The following ARHGEF28 variants were observed in gnomAD, a reference collection of about 807,000 sequenced individuals.
The protein encoded by ARHGEF28 is 190 kDa guanine nucleotide exchange factor.
Under a neutral mutation model 206.6 loss-of-function variants are expected in ARHGEF28, and 152 were observed. The ratio of observed to expected loss-of-function variants is 0.74; its 90% CI spans 0.64 to 0.84. The LOEUF (loss-of-function observed/expected upper bound fraction) is 0.84. Ranked by LOEUF, ARHGEF28 falls within the 40% of genes least tolerant of loss-of-function variation. ARHGEF28 has a pLI of 0.00. For missense variants in ARHGEF28, 2,028 were observed against 2,073.2 expected, an observed-to-expected ratio of 0.98 and a Z score of 0.42; for synonymous variants, 763 against 776.4, an observed-to-expected ratio of 0.98 and a Z score of 0.29.
At chr5:73,874,501 G>A (rs1219324910) in intron 22 of ARHGEF28, among the ~76,000 whole-genome samples, 1 of 150,334 alleles carries the variant, frequency 6.7e-6, no homozygotes, top group Non-Finnish European at 1.5e-5. Context: ...AAGCTGGTGT[G>A]CTGCACCCTT....
chr5:73,820,391 G>A (rs545137695), intron 9 of ARHGEF28, among the ~76,000 whole-genome samples: 3 of 152,172 alleles, frequency 2.0e-5, no homozygotes, highest in African/African-American at 7.2e-5. Flanking sequence ...TTAATGGGGG[G>A]TGGAGGTGGA....
At chr5:73,720,128 T>A (rs1749847441) in intron 2 of ARHGEF28, among the ~76,000 whole-genome samples, 1 of 152,246 alleles carries the variant, frequency 6.6e-6, no homozygotes, top group African/African-American at 2.4e-5. Context: ...AGTATGGCAA[T>A]TTTCCTAAGG....
chr5:73,799,298 C>A (rs547518027), intron 9 of ARHGEF28, among the ~76,000 whole-genome samples: 4 of 152,120 alleles, frequency 2.6e-5, no homozygotes. Context: ...CAATTGCAAA[C>A]AAAGATGCAT....
Position 73,794,449 on chromosome 5 carries a change from A to C in ARHGEF28, c.958A>C (p.Ile320Leu). 6.3e-7 allele frequency: 1 copy of C among 1,598,902 alleles called. No homozygotes were observed. The highest frequency in any genetic ancestry group is 1.1e-5 in the South Asian group (1 of 88,394). ...SSRSAAEKED[I>L]KRVKSLVVQH... is the part of the protein sequence containing the mutation. ...CAGATCAGCAGCTGAAAAGGAAGAT[A>C]TAAAGGTAATGAATGACTCCCTGCT... is the stretch of plus-strand genomic sequence containing the variant. Residue 320 changes from isoleucine (I) to leucine (L), a missense_variant, in exon 8 of 36, where the codon ATA becomes CTA. Ile to Leu is a conservative substitution (Grantham distance 5, BLOSUM62 2). Transcript: ENST00000513042.
rs1466365913 is a variant in ARHGEF28 at position 73,813,686 on chromosome 5, A to G, written c.1024+18295A>G. 11 of 1,534,726 alleles carry G rather than the reference A, an allele frequency of 7.2e-6. No individual in the cohort carries two copies. In the African/African-American group the frequency reaches 1.4e-4, roughly 19 times the overall value. On this transcript the variant is annotated intron_variant, in intron 9 of 35. Coordinates refer to ENST00000513042, the MANE Select transcript of ARHGEF28 (RefSeq NM_001177693.2). ...ACGTCCAAACAAGGTAGATTGCAGT[A>G]TCTTTTCTTTCCTTCACGGGCAAAA...
At chr5:73,686,503 T>C (rs1385372811) in intron 2 of ARHGEF28, among the ~76,000 whole-genome samples, 1 of 151,950 alleles carries the variant, frequency 6.6e-6, no homozygotes, top group East Asian at 1.9e-4. Context: ...CAAGTTTTTC[T>C]TTTTTCTTTT....
chr5:73,720,861 C>T (rs1168318614), intron 2 of ARHGEF28, among the ~76,000 whole-genome samples: 1 of 152,192 alleles, frequency 6.6e-6, no homozygotes, highest in African/African-American at 2.4e-5. Flanking sequence ...GAAACATATA[C>T]TTAGTGATTT....
At chr5:73,831,784 C>A (rs1162527471) in intron 9 of ARHGEF28, among the ~76,000 whole-genome samples, 1 of 152,250 alleles carries the variant, frequency 6.6e-6, no homozygotes, top group African/African-American at 2.4e-5. Flanking sequence ...GTCCACCTCC[C>A]AGGTTCAAGT....
chr5:73,919,372 C>T (rs770447805), intron 35 of ARHGEF28, among the ~76,000 whole-genome samples: 2 of 152,276 alleles, frequency 1.3e-5, no homozygotes, highest in Non-Finnish European at 2.9e-5. Flanking sequence ...GTCAGTGGAT[C>T]ACCAGAATTG....
intron 2 of ARHGEF28, among the ~76,000 whole-genome samples, chr5:73,717,568 G>A (rs1051796550): frequency 1.3e-5 from 2 of 152,190 alleles, no homozygotes; most frequent in South Asian, 4.1e-4. Flanking sequence ...TAATAATAAT[G>A]TAGAAAGTGG....
At chr5:73,749,043 C>T (rs1432758093) in intron 2 of ARHGEF28, among the ~76,000 whole-genome samples, 2 of 152,146 alleles carry the variant, frequency 1.3e-5, no homozygotes, top group Non-Finnish European at 2.9e-5. Flanking sequence ...CCTCGGTGAC[C>T]TGAGGTGGCA....
intron 9 of ARHGEF28, among the ~76,000 whole-genome samples, chr5:73,803,872 A>G (rs1222643494): frequency 6.6e-6 from 1 of 152,112 alleles, no homozygotes. Context: ...GGATCACCTG[A>G]GCTCACAAGT....
At chr5:73,920,935 CT>C (rs1479902355) in intron 35 of ARHGEF28, among the ~76,000 whole-genome samples, 6 of 152,232 alleles carry the variant, frequency 3.9e-5, no homozygotes, top group African/African-American at 1.4e-4. Flanking sequence ...AATTAGTCAG[CT>C]TATCTGTTCA....
At chr5:73,828,640 CTCCTT>C (rs903510557) in intron 9 of ARHGEF28, among the ~76,000 whole-genome samples, 3 of 119,230 alleles carry the variant, frequency 2.5e-5, no homozygotes, top group Non-Finnish European at 3.8e-5. Flanking sequence ...CCTTTTGTTT[CTCCTT>C]TCCTTTCCTT....
intron 16 of ARHGEF28, among the ~76,000 whole-genome samples, chr5:73,859,243 C>G (rs1759237744): frequency 6.6e-6 from 1 of 152,080 alleles, no homozygotes; most frequent in Non-Finnish European, 1.5e-5. Context: ...ATTGCAGGGG[C>G]TTAGTAAGTA....
chr5:73,754,384 G>A (rs1246851791), intron 4 of ARHGEF28, among the ~76,000 whole-genome samples: 2 of 152,040 alleles, frequency 1.3e-5, no homozygotes, highest in Non-Finnish European at 2.9e-5. Flanking sequence ...GTCCAGCACC[G>A]AGCCATGCCT....
intron 9 of ARHGEF28, among the ~76,000 whole-genome samples, chr5:73,817,730 A>G (rs1370853295): frequency 6.6e-6 from 1 of 152,198 alleles, no homozygotes; most frequent in Middle Eastern, 3.2e-3. Flanking sequence ...AATTAGAGCT[A>G]ATAAATGGCA....
At chr5:73,756,456 C>G (rs952104879) in intron 4 of ARHGEF28, among the ~76,000 whole-genome samples, 3 of 152,312 alleles carry the variant, frequency 2.0e-5, no homozygotes, top group East Asian at 1.9e-4. Context: ...TGTCTGCAGC[C>G]TAGACTTGTA....
intron 7 of ARHGEF28, among the ~76,000 whole-genome samples, chr5:73,787,537 A>G (rs1289519509): frequency 1.3e-5 from 2 of 151,350 alleles, no homozygotes; most frequent in Non-Finnish European, 2.9e-5. Flanking sequence ...TCCATCCCCT[A>G]CCCCCTACCC....
Sources: gnomAD v4.1 joint callset for allele counts (sites outside exome capture counted in the v4.1 genomes callset) on GRCh38, gnomAD v4.1.1 for gene constraint, MANE v1.5 for transcripts, NCBI Gene and HGNC (gene_info 2026-07-23, HGNC 2026-07-21) for gene names.